The following SGIP1 variants were observed in gnomAD, a reference collection of about 807,000 sequenced individuals.
The protein encoded by SGIP1 is SH3-containing GRB2-like protein 3-interacting protein 1.
In SGIP1, 38 loss-of-function variants were observed where a neutral mutation model predicts 107.5. The observed-to-expected ratio is 0.35, with a 90% CI of 0.27 to 0.46. The LOEUF is 0.46. Among genes scored for constraint, SGIP1 ranks in the 20% least tolerant of loss-of-function variants. The probability of loss-of-function intolerance (pLI) is 1.00; values close to 1 mark genes in which losing one functional copy is unlikely to be tolerated. For missense variants in SGIP1, 929 were observed against 1,019.5 expected (o/e 0.91, Z 1.21); for synonymous variants, 365 against 366.1 (o/e 1.00, Z 0.03).
At chr1:66,603,763 G>C (rs186526388) in intron 1 of SGIP1, among the ~76,000 whole-genome samples, 2 of 152,264 alleles carry the variant, frequency 1.3e-5, no homozygotes, top group East Asian at 3.9e-4. Flanking sequence ...TATTATCTTT[G>C]ATAGATCTAT....
rs2063575541 is a variant in SGIP1 at position 66,591,274 on chromosome 1, A to T, written c.11-34573A>T. ...AAGGTATCTTGATCCAATTGTTAAC[A>T]ATAAAATTTTCTCAGATAATTGTAC... On this transcript the variant is annotated intron_variant, in intron 1 of 24. Coordinates refer to ENST00000371037, the MANE Select transcript of SGIP1 (RefSeq NM_032291.4). Among the ~76,000 whole-genome samples the T allele has an allele frequency of 3.3e-5, 5 of 152,222 alleles. No individual in the cohort carries two copies. In the South Asian group the frequency reaches 1.0e-3, roughly 32 times the overall value.
chr1:66,566,683 G>A (rs2059685358), intron 1 of SGIP1, among the ~76,000 whole-genome samples: 1 of 151,876 alleles, frequency 6.6e-6, no homozygotes, highest in African/African-American at 2.4e-5. Flanking sequence ...TTCCTCAGAT[G>A]CATTTACTCT....
intron 1 of SGIP1, among the ~76,000 whole-genome samples, chr1:66,607,633 C>A (rs939566993): frequency 6.6e-6 from 1 of 152,176 alleles, no homozygotes; most frequent in African/African-American, 2.4e-5. Flanking sequence ...GGGGATTCTC[C>A]GAAAGGTCTA....
chr1:66,667,549 C>T lies in SGIP1; in HGVS notation c.483+8C>T. On this transcript the variant is annotated splice_region_variant and intron_variant, in intron 9 of 24. Coordinates refer to ENST00000371037, the MANE Select transcript of SGIP1 (RefSeq NM_032291.4). ...TCACAGAGGCGCAGCCCGGTAAGAA[C>T]TCTCAACATTTTTACCTTAAACATG... 6.2e-7 allele frequency: 1 copy of T among 1,613,606 alleles called. No homozygotes were observed. Among genetic ancestry groups the T allele is most frequent in the Non-Finnish European group, 8.5e-7 (1 of 1,179,556 alleles).
rs2094581014 is a variant in SGIP1, at chr1:66,748,366, T to A, written c.*5271T>A. The A allele has an allele frequency of 6.6e-6, 1 of 152,028 alleles. No individual in the cohort carries two copies. The highest frequency in any genetic ancestry group is 1.5e-5 in the Non-Finnish European group (1 of 67,864). 9.4% of individuals were successfully genotyped at this position (152,028 alleles called of 1,614,324 possible). On this transcript the variant is annotated 3_prime_UTR_variant, in exon 25 of 25. Coordinates refer to ENST00000371037, the MANE Select transcript of SGIP1 (RefSeq NM_032291.4). ...CTTCTGCAAGCTAGAGTTGCACTGC[T>A]GACATCTAATTAAGATCTAAATATA...
At chr1:66,668,276 C>T (rs2083033747) in intron 9 of SGIP1, among the ~76,000 whole-genome samples, 1 of 152,014 alleles carries the variant, frequency 6.6e-6, no homozygotes, top group South Asian at 2.1e-4. Flanking sequence ...CTGCAACCTC[C>T]GCCTCTCGAG....
intron 1 of SGIP1, among the ~76,000 whole-genome samples, chr1:66,599,023 C>T (rs2065240827): frequency 6.6e-6 from 1 of 152,002 alleles, no homozygotes; most frequent in Admixed American, 6.6e-5. Flanking sequence ...AGTGTTCTAC[C>T]CAGGGCTCAG....
chr1:66,720,563 C>CA (rs2093479995), intron 19 of SGIP1, among the ~76,000 whole-genome samples: 1 of 151,950 alleles, frequency 6.6e-6, no homozygotes, highest in Non-Finnish European at 1.5e-5. Context: ...CCTGCCTCTG[C>CA]AAAAAATACA....
Position 66,547,296 on chromosome 1 carries a change from G to A in SGIP1, c.10+12928G>A, listed in dbSNP as rs147040007. Reference sequence around the variant, plus strand: ...TTTATTTCAATGGGGATGGATATATGGAATTTTGTTAAACTGAATAAAAAT... The same window carrying A: ...TTTATTTCAATGGGGATGGATATATAGAATTTTGTTAAACTGAATAAAAAT... On this transcript the variant is annotated intron_variant, in intron 1 of 24. Transcript: ENST00000371037. Among the ~76,000 whole-genome samples, 1,062 of 152,146 alleles carry A rather than the reference G, an allele frequency of 7.0e-3. 11 individuals are homozygous for A. The highest frequency in any genetic ancestry group is 0.024 in the African/African-American group (988 of 41,500).
At chr1:66,706,603 A>G (rs1478137372) in intron 18 of SGIP1, among the ~76,000 whole-genome samples, 1 of 151,744 alleles carries the variant, frequency 6.6e-6, no homozygotes, top group Non-Finnish European at 1.5e-5. Context: ...TTAAAATTCC[A>G]AAGTAATTAT....
chr1:66,645,524 G>A (rs892941235), intron 7 of SGIP1, among the ~76,000 whole-genome samples: 1 of 152,190 alleles, frequency 6.6e-6, no homozygotes, highest in Non-Finnish European at 1.5e-5. Context: ...TGACCTCGGA[G>A]TTACTCTGTT....
At chr1:66,716,626 T>A (rs2093259524) in intron 18 of SGIP1, among the ~76,000 whole-genome samples, 1 of 152,060 alleles carries the variant, frequency 6.6e-6, no homozygotes, top group Non-Finnish European at 1.5e-5. Context: ...TTCAGAGGCC[T>A]CCCATCTTCC....
intron 2 of SGIP1, among the ~76,000 whole-genome samples, chr1:66,629,850 T>C (rs2073861935): frequency 6.6e-6 from 1 of 152,202 alleles, no homozygotes; most frequent in Non-Finnish European, 1.5e-5. Flanking sequence ...CTAGAAAACA[T>C]TTAATGAGCA....
rs529234055 is a variant in SGIP1 at position 66,734,686 on chromosome 1, A to C, written c.2031+806A>C. Among the ~76,000 whole-genome samples the C allele has an allele frequency of 2.6e-5, 4 of 151,754 alleles. No individual in the cohort carries two copies. In the East Asian group the frequency reaches 7.7e-4, roughly 29 times the overall value. Reference sequence around the variant, plus strand: ...AGCCCTGCTAATTTTTTGTATTTTTAATAGAGACGGGATTTCACCCTGTTG... The same window carrying C: ...AGCCCTGCTAATTTTTTGTATTTTTCATAGAGACGGGATTTCACCCTGTTG... On this transcript the variant is annotated intron_variant, in intron 21 of 24. Transcript: ENST00000371037.
At position 66,748,290 on chromosome 1, in the gene SGIP1, A is replaced by G. The variant is rs1485100449; in HGVS notation, c.*5195A>G. On this transcript the variant is annotated 3_prime_UTR_variant, in exon 25 of 25. Coordinates refer to ENST00000371037, the MANE Select transcript of SGIP1 (RefSeq NM_032291.4). Reference sequence around the variant, plus strand: ...CTTAAGTCTCTAAATATTAAAAACAACAACAAAACACTTGCCTTTCTCTTG... The same window carrying G: ...CTTAAGTCTCTAAATATTAAAAACAGCAACAAAACACTTGCCTTTCTCTTG... 6.6e-6 allele frequency: 1 copy of G among 151,974 alleles called. No individual in the cohort carries two copies. The highest frequency in any genetic ancestry group is 1.5e-5 in the Non-Finnish European group (1 of 67,838). 9.4% of individuals were successfully genotyped at this position (151,974 alleles called of 1,614,324 possible).
intron 8 of SGIP1, 134 bp from the exon 9 acceptor site, chr1:66,667,396 T>C (rs2082813787): frequency 2.4e-6 from 2 of 833,546 alleles, no homozygotes; most frequent in Non-Finnish European, 4.1e-6. Flanking sequence ...GGACTGCCTG[T>C]CTTCCTTTGG....
intron 1 of SGIP1, among the ~76,000 whole-genome samples, chr1:66,576,336 T>A (rs1279970462): frequency 6.6e-6 from 1 of 152,148 alleles, no homozygotes; most frequent in African/African-American, 2.4e-5. Context: ...GCCCAAGTAG[T>A]TGAACAGTGT....
intron 7 of SGIP1, among the ~76,000 whole-genome samples, chr1:66,657,344 C>T (rs1007783071): frequency 6.6e-6 from 1 of 152,096 alleles, no homozygotes. Flanking sequence ...CATGGCAGCT[C>T]AATTCCTTGT....
chr1:66,733,471 T>C (rs181469131), intron 20 of SGIP1, among the ~76,000 whole-genome samples: 37 of 152,254 alleles, frequency 2.4e-4, no homozygotes, highest in African/African-American at 8.7e-4. Context: ...TCTTTAAAGC[T>C]CCCAATTATC....
Sources: gnomAD v4.1 joint callset for allele counts (sites outside exome capture counted in the v4.1 genomes callset) on GRCh38, gnomAD v4.1.1 for gene constraint, MANE v1.5 for transcripts, NCBI Gene and HGNC (gene_info 2026-07-23, HGNC 2026-07-21) for gene names.